CEP128: variants seen among roughly 807,000 people sequenced by gnomAD.
CEP128 encodes the protein centrosomal protein 128kDa.
A neutral mutation model predicts 156.7 loss-of-function variants in CEP128; 132 were observed. The ratio of observed to expected loss-of-function variants is 0.84; its 90% CI spans 0.73 to 0.97. CEP128 has a LOEUF of 0.97. Ranked by LOEUF, CEP128 falls within the 50% of genes least tolerant of loss-of-function variation. The probability of loss-of-function intolerance (pLI) is 0.00; values close to 1 mark genes in which losing one functional copy is unlikely to be tolerated. For synonymous variants in CEP128, 469 were observed against 448.9 expected (o/e 1.04, Z -0.57); for missense variants, 1,252 against 1,281.9 (o/e 0.98, Z 0.36).
At chr14:80,757,383 TTAATAG>T (rs1351624369) in intron 17 of CEP128, among the ~76,000 whole-genome samples, 14 of 152,192 alleles carry the variant, frequency 9.2e-5, no homozygotes, top group African/African-American at 3.4e-4. Flanking sequence ...CTTCTTTAAT[TTAATAG>T]TAAAAGGGCC....
At chr14:80,832,834 A>G (rs1394519439) in intron 12 of CEP128, among the ~76,000 whole-genome samples, 1 of 152,242 alleles carries the variant, frequency 6.6e-6, no homozygotes, top group Non-Finnish European at 1.5e-5. Flanking sequence ...GAGTGTCAAC[A>G]GAGTTTATGT....
chr14:80,610,748 C>G (rs907119337), intron 19 of CEP128, among the ~76,000 whole-genome samples: 1 of 152,100 alleles, frequency 6.6e-6, no homozygotes, highest in Non-Finnish European at 1.5e-5. Flanking sequence ...TTATTATTCA[C>G]TGCAGTGTTA....
chr14:80,727,185 C>T (rs1431895813), intron 19 of CEP128, among the ~76,000 whole-genome samples: 1 of 152,040 alleles, frequency 6.6e-6, no homozygotes, highest in South Asian at 2.1e-4. Flanking sequence ...GACCTTATAC[C>T]ACGACTTAAA....
rs78555817 is a variant in CEP128 at position 80,685,540 on chromosome 14, A to G, written c.2806+57535T>C. ...CTGCCCAAATCAATCTACAGATTCA[A>G]CGTTATTCCTCTATCAAGCTACCAG... On this transcript the variant is annotated intron_variant, in intron 19 of 24. Coordinates refer to ENST00000555265, the MANE Select transcript of CEP128 (RefSeq NM_152446.5). Among the ~76,000 whole-genome samples, 351 of 152,262 alleles carry G rather than the reference A, an allele frequency of 2.3e-3. 6 individuals carry two copies. The highest frequency in any genetic ancestry group is 2.9e-3 in the East Asian group (15 of 5,182).
At chr14:80,529,987 A>G (rs906057573) in intron 22 of CEP128, among the ~76,000 whole-genome samples, 3 of 152,208 alleles carry the variant, frequency 2.0e-5, no homozygotes, top group African/African-American at 4.8e-5. Context: ...CCATTTTCCT[A>G]TCCACTGTAT....
At chr14:80,614,705 T>G (rs1424077779) in intron 19 of CEP128, among the ~76,000 whole-genome samples, 1 of 152,194 alleles carries the variant, frequency 6.6e-6, no homozygotes, top group Non-Finnish European at 1.5e-5. Flanking sequence ...CTACTAAACC[T>G]TTGAAAGTCA....
chr14:80,906,189 C>CA (rs991248541), intron 4 of CEP128, 108 bp from the exon 5 acceptor site: 6 of 784,082 alleles, frequency 7.7e-6, no homozygotes, highest in African/African-American at 1.8e-5. Context: ...GGGTTCCCCC[C>CA]AAAAAAAGGT....
chr14:80,561,024 G>A (rs1413663218), intron 20 of CEP128, among the ~76,000 whole-genome samples: 1 of 152,144 alleles, frequency 6.6e-6, no homozygotes, highest in African/African-American at 2.4e-5. Context: ...GACCCACATA[G>A]ACCTATGACA....
intron 19 of CEP128, among the ~76,000 whole-genome samples, chr14:80,595,846 G>T (rs1892291931): frequency 6.6e-6 from 1 of 152,136 alleles, no homozygotes; most frequent in Non-Finnish European, 1.5e-5. Flanking sequence ...CACGGCAGCA[G>T]GCAAGAGAGT....
intron 19 of CEP128, among the ~76,000 whole-genome samples, chr14:80,664,502 A>T (rs1395957427): frequency 6.6e-6 from 1 of 152,170 alleles, no homozygotes; most frequent in African/African-American, 2.4e-5. Flanking sequence ...AAAAAAAAAA[A>T]ATACTGTATT....
chr14:80,629,593 T>C (rs1186229368), intron 19 of CEP128, among the ~76,000 whole-genome samples: 1 of 149,002 alleles, frequency 6.7e-6, no homozygotes, highest in Admixed American at 6.7e-5. Context: ...TAATAAAGGA[T>C]CTAAGTAAAA....
intron 19 of CEP128, among the ~76,000 whole-genome samples, chr14:80,710,426 C>T (rs527356342): frequency 5.9e-5 from 9 of 152,066 alleles, no homozygotes; most frequent in Non-Finnish European, 8.8e-5. Flanking sequence ...AATTCATACA[C>T]GTCTCACCAC....
chr14:80,502,244 G>T (rs1220717453), intron 24 of CEP128, among the ~76,000 whole-genome samples: 1 of 152,128 alleles, frequency 6.6e-6, no homozygotes, highest in Non-Finnish European at 1.5e-5. Context: ...CAATTTTGGG[G>T]CTTGCTTGTC....
chr14:80,848,698 AAG>A (rs1886734978), intron 9 of CEP128, among the ~76,000 whole-genome samples: 1 of 151,812 alleles, frequency 6.6e-6, no homozygotes, highest in African/African-American at 2.4e-5. Context: ...AAAGGAAAGA[AAG>A]AAAGAAAATT....
chr14:80,825,035 A>G (rs1267741556), intron 13 of CEP128, among the ~76,000 whole-genome samples: 1 of 152,238 alleles, frequency 6.6e-6, no homozygotes, highest in Non-Finnish European at 1.5e-5. Flanking sequence ...ATGGTGGCAG[A>G]TAAGAGAAGA....
At chr14:80,816,713 G>A (rs162175) in intron 13 of CEP128, among the ~76,000 whole-genome samples, 1,783 of 152,264 alleles carry the variant, frequency 0.012, 46 homozygotes, top group African/African-American at 0.041. Context: ...GGAAATTGAC[G>A]GCTAAGGACG....
intron 8 of CEP128, among the ~76,000 whole-genome samples, chr14:80,887,062 C>T (rs1684802555): frequency 2.0e-5 from 3 of 152,266 alleles, no homozygotes; most frequent in South Asian, 4.1e-4. Flanking sequence ...GGAATCAATG[C>T]AACAAGAAGA....
chr14:80,633,646 T>A (rs1352040925), intron 19 of CEP128, among the ~76,000 whole-genome samples: 1 of 152,220 alleles, frequency 6.6e-6, no homozygotes, highest in Admixed American at 6.5e-5. Context: ...CAAGCAAGAC[T>A]TCCCACTACG....
chr14:80,593,546 C>CAAAAAAAAAAAAAAAAAA (rs780221928), intron 19 of CEP128, among the ~76,000 whole-genome samples: 1 of 77,838 alleles, frequency 1.3e-5, no homozygotes, highest in African/African-American at 4.4e-5. Flanking sequence ...GACTCCATCT[C>CAAAAAAAAAAAAAAAAAA]AAAAAAAAAA....
Sources: gnomAD v4.1 joint callset for allele counts (sites outside exome capture counted in the v4.1 genomes callset) on GRCh38, gnomAD v4.1.1 for gene constraint, MANE v1.5 for transcripts, NCBI Gene and HGNC (gene_info 2026-07-23, HGNC 2026-07-21) for gene names.